The following SLC1A5 variants were observed in gnomAD, a reference collection of about 807,000 sequenced individuals.
SLC1A5 encodes neutral amino acid transporter B(0).
In SLC1A5, 25 loss-of-function variants were observed where a neutral mutation model predicts 34.9. The observed-to-expected ratio is 0.72, with a 90% CI of 0.52 to 1.00. The LOEUF (loss-of-function observed/expected upper bound fraction) is 1.00, where lower values mean the gene tolerates loss of function less well. SLC1A5 is among the 50% of genes least tolerant of loss of function. The pLI is 0.00. For synonymous variants in SLC1A5, 351 were observed against 341.2 expected, an observed-to-expected ratio of 1.03 and a Z score of -0.32; for missense variants, 637 against 740.0, an observed-to-expected ratio of 0.86 and a Z score of 1.61.
intron 3 of SLC1A5, among the ~76,000 whole-genome samples, chr19:46,782,814 G>C (rs1165985943): frequency 6.6e-6 from 1 of 152,160 alleles, no homozygotes; most frequent in Non-Finnish European, 1.5e-5. Context: ...GGGCAGTCAG[G>C]GGGGACTTCC....
chr19:46,787,382 G>C lies in SLC1A5; in HGVS notation c.566+18C>G, dbSNP rs1056690672. The C allele has an allele frequency of 6.3e-7, 1 of 1,579,846 alleles. No individual in the cohort carries two copies. Reference sequence around the variant, plus strand: ...TCCGTAACACTCTTCCCCACCTCCCGGGGGAGCGGGAGCTGACCTCGCAAG... The same window carrying C: ...TCCGTAACACTCTTCCCCACCTCCCCGGGGAGCGGGAGCTGACCTCGCAAG... On this transcript the variant is annotated intron_variant, in intron 1 of 7. Transcript: ENST00000542575. This position sits in a 1 kb window ranked among gnomAD's most constrained non-coding sequence, Gnocchi z 5.2.
In SLC1A5 at chr19:46,788,059, T is replaced by TAAC; in HGVS notation, c.-97_-95dup. On this transcript the variant is annotated 5_prime_UTR_variant, in exon 1 of 8. Coordinates refer to ENST00000542575, the MANE Select transcript of SLC1A5 (RefSeq NM_005628.3). Reference sequence around the variant, plus strand: ...CCGACGTTCCTAGGACTGAGTTGAGTAACAGCACCTGGAGACTGGAACTTT... The same window carrying TAAC: ...CCGACGTTCCTAGGACTGAGTTGAGTAACAACAGCACCTGGAGACTGGAACTTT... The TAAC allele has an allele frequency of 2.6e-6, 3 of 1,175,596 alleles. No homozygotes were observed. The highest frequency in any genetic ancestry group is 2.9e-5 in the Admixed American group (1 of 34,254). 72.8% of individuals were successfully genotyped at this position (1,175,596 alleles called of 1,614,324 possible).
At chr19:46,778,599 G>C (rs867962133) in intron 5 of SLC1A5, 76 bp downstream of exon 5, 4 of 1,057,116 alleles carry the variant, frequency 3.8e-6, no homozygotes, top group Non-Finnish European at 5.7e-6. Context: ...ACAATGTCCC[G>C]GGCAGAGAAA....
At position 46,787,475 on chromosome 19, in the gene SLC1A5, G is replaced by T; in HGVS notation, c.491C>A (p.Ala164Asp). Residue 164 changes from alanine to aspartate, a missense_variant, in exon 1 of 8, where the codon GCC (alanine) becomes GAC (aspartate). Ala to Asp is a moderately radical substitution (Grantham distance 126, BLOSUM62 -2). Coordinates refer to ENST00000542575, the MANE Select transcript of SLC1A5 (RefSeq NM_005628.3). This position sits in a 1 kb window ranked among gnomAD's most constrained non-coding sequence, Gnocchi z 5.2. ...QPGAASAAIN[A>D]SVGAAGSAEN... ...GGCACTGCCCGCGGCTCCCACGGAG[G>T]CGTTGATGGCGGCGGAGGCGGCGCC... 1 of 1,593,506 alleles carries T rather than the reference G, an allele frequency of 6.3e-7. No individual in the cohort carries two copies.
intron 1 of SLC1A5, chr19:46,784,778 C>A (rs898299505): frequency 6.9e-7 from 1 of 1,447,996 alleles, no homozygotes; most frequent in African/African-American, 1.4e-5. Flanking sequence ...CCCCAAGAGG[C>A]TGGCGTGCTA....
At chr19:46,783,481 A>G (rs181951841) in intron 3 of SLC1A5, among the ~76,000 whole-genome samples, 1,999 of 140,308 alleles carry the variant, frequency 0.014, 54 homozygotes, top group African/African-American at 0.048. Flanking sequence ...AAAAAAAAAA[A>G]AAAGAAAGAA....
intron 2 of SLC1A5, 73 bp downstream of exon 2, chr19:46,784,444 T>C (rs2055171184): frequency 1.9e-6 from 3 of 1,564,832 alleles, no homozygotes; most frequent in Non-Finnish European, 2.6e-6. Context: ...CAAAATCAGG[T>C]AGCAAGGGCT....
At chr19:46,778,072 A>T (rs1266804116) in intron 5 of SLC1A5, among the ~76,000 whole-genome samples, 1 of 152,184 alleles carries the variant, frequency 6.6e-6, no homozygotes, top group Non-Finnish European at 1.5e-5. Flanking sequence ...CAGGGCCAGC[A>T]GGGATGAATG....
At chr19:46,784,800 T>C (rs936991430) in intron 1 of SLC1A5, 6 of 1,427,970 alleles carry the variant, frequency 4.2e-6, no homozygotes, top group African/African-American at 1.4e-5. Context: ...CCCTGAGGCA[T>C]TGTGGGTTCG....
At chr19:46,786,762 G>A (rs1403922979) in intron 1 of SLC1A5, among the ~76,000 whole-genome samples, 2 of 152,176 alleles carry the variant, frequency 1.3e-5, no homozygotes, top group Non-Finnish European at 2.9e-5. Context: ...TCCTCTTCTG[G>A]GCTGCCTGCT....
intron 1 of SLC1A5, among the ~76,000 whole-genome samples, chr19:46,785,941 G>T (rs990204307): frequency 1.3e-5 from 2 of 151,926 alleles, no homozygotes; most frequent in Admixed American, 6.6e-5. Context: ...TTATCCAGGC[G>T]TGGTGGCACA....
At position 46,781,373 on chromosome 19, in the gene SLC1A5, CG is replaced by C. The variant is rs897747512; in HGVS notation, c.824+1009del. Among the ~76,000 whole-genome samples, 77 of 152,108 alleles carry C rather than the reference CG, an allele frequency of 5.1e-4. 1 individual carries two copies. The highest frequency in any genetic ancestry group is 1.7e-3 in the African/African-American group (71 of 41,428). ...CAGCACTTCGGGAGGCCGAGGTGGG[CG>C]GATCACCTGAGGTCGGGAGTTTGAG... On this transcript the variant is annotated intron_variant, in intron 4 of 7. Coordinates refer to ENST00000542575, the MANE Select transcript of SLC1A5 (RefSeq NM_005628.3).
chr19:46,778,258 G>A (rs1357567522), intron 5 of SLC1A5, among the ~76,000 whole-genome samples: 5 of 152,002 alleles, frequency 3.3e-5, no homozygotes, highest in African/African-American at 4.8e-5. Context: ...GCGAAACCCC[G>A]TCTCTACTAA....
chr19:46,776,789 T>C, intron 7 of SLC1A5, 186 bp downstream of exon 7: 1 of 615,544 alleles, frequency 1.6e-6, no homozygotes, highest in South Asian at 2.1e-5. Context: ...TTTTCTGACA[T>C]CCCTCTTAGA....
intron 4 of SLC1A5, among the ~76,000 whole-genome samples, chr19:46,779,624 A>AGATCTTT (rs2055129271): frequency 2.0e-5 from 3 of 152,108 alleles, no homozygotes; most frequent in African/African-American, 7.2e-5. Context: ...GAGGCTGGGC[A>AGATCTTT]CAGTGGCTCA....
At chr19:46,784,876 A>G (rs2055176031) in intron 1 of SLC1A5, 5 of 1,361,398 alleles carry the variant, frequency 3.7e-6, no homozygotes, top group Admixed American at 3.2e-5. Context: ...GCTCCACCCC[A>G]TGCAGCAAAC....
intron 7 of SLC1A5, among the ~76,000 whole-genome samples, chr19:46,776,350 C>A (rs574540139): frequency 6.6e-6 from 1 of 151,706 alleles, no homozygotes. Flanking sequence ...ACAGGACAGG[C>A]GTACACCACC....
At chr19:46,785,369 G>A (rs1044569846) in intron 1 of SLC1A5, among the ~76,000 whole-genome samples, 1 of 152,124 alleles carries the variant, frequency 6.6e-6, no homozygotes, top group Admixed American at 6.6e-5. Context: ...GACCGAGTGA[G>A]ACTCTCTCAA....
In SLC1A5 at chr19:46,787,807, C is replaced by G; in HGVS notation, c.159G>C (p.Leu53=). Residue 53 remains leucine (L), a synonymous_variant, in exon 1 of 8, where the codon CTG becomes CTC. Coordinates refer to ENST00000542575, the MANE Select transcript of SLC1A5 (RefSeq NM_005628.3). The surrounding 1 kb of genome is among the most constrained non-coding windows in gnomAD (Gnocchi z 5.2). ...CGGCCACCACTGTCAGCAGCACAAG[C>G]AGGTTGGCTCGAAGGCAGCGGCGCA... ...DQVRRCLRAN[L]LVLLTVVAVV... The G allele has an allele frequency of 7.7e-6, 12 of 1,551,576 alleles. No homozygotes were observed. The highest frequency in any genetic ancestry group is 1.0e-5 in the Non-Finnish European group (12 of 1,148,864).
Sources: allele counts gnomAD v4.1 joint callset (sites outside exome capture counted in the v4.1 genomes callset), GRCh38; gene constraint gnomAD v4.1.1; non-coding constraint Gnocchi (gnomAD v3.1); transcripts MANE v1.5; gene names NCBI Gene and HGNC (gene_info 2026-07-23, HGNC 2026-07-21).